The following CPXM2 variants were observed in gnomAD, a reference collection of about 807,000 sequenced individuals.
The protein encoded by CPXM2 is carboxypeptidase X, M14 family member 2.
CPXM2 carries 66 observed loss-of-function variants against 86.1 expected under a neutral mutation model. The ratio of observed to expected loss-of-function variants is 0.77; its 90% CI spans 0.63 to 0.94. The LOEUF (loss-of-function observed/expected upper bound fraction) is 0.94, where lower values mean the gene tolerates loss of function less well. CPXM2 is among the 40% of genes least tolerant of loss of function. The pLI, the probability that CPXM2 is intolerant of heterozygous loss-of-function variation, is 0.00. For missense variants in CPXM2, 948 were observed against 1,026.3 expected (o/e 0.92, Z 1.04); for synonymous variants, 388 against 400.2 (o/e 0.97, Z 0.36).
intron 3 of CPXM2, among the ~76,000 whole-genome samples, chr10:123,846,254 T>G (rs7907113): frequency 0.34 from 51,434 of 152,050 alleles, 10,131 homozygotes; most frequent in African/African-American, 0.54. Flanking sequence ...GAATCAATGG[T>G]AGCCTGAGCT....
chr10:123,755,066 T>A (rs889666464), intron 12 of CPXM2, among the ~76,000 whole-genome samples: 1 of 152,230 alleles, frequency 6.6e-6, no homozygotes, highest in Non-Finnish European at 1.5e-5. Context: ...GATACTTTTA[T>A]AAGGGGAGGG....
Position 123,876,655 on chromosome 10 carries a change from T to C in CPXM2, c.403+3556A>G, listed in dbSNP as rs141182484. Reference sequence around the variant, plus strand: ...TTTTAAATGGTTATATAAGCACTTATATAATATCCTGGATTTTGGCTCTTA... The same window carrying C: ...TTTTAAATGGTTATATAAGCACTTACATAATATCCTGGATTTTGGCTCTTA... On this transcript the variant is annotated intron_variant, in intron 2 of 13. Coordinates refer to ENST00000241305, the MANE Select transcript of CPXM2 (RefSeq NM_198148.3). 1.5e-3 allele frequency among the ~76,000 whole-genome samples: 221 copies of C among 152,338 alleles called. 1 individual carries two copies. The highest frequency in any genetic ancestry group is 3.4e-3 in the Middle Eastern group (1 of 294).
chr10:123,846,061 A>T (rs1039415199), intron 3 of CPXM2, among the ~76,000 whole-genome samples: 2 of 152,194 alleles, frequency 1.3e-5, no homozygotes, highest in African/African-American at 4.8e-5. Context: ...CACCATTTCC[A>T]TGAAGCTACT....
intron 2 of CPXM2, among the ~76,000 whole-genome samples, chr10:123,924,582 G>A (rs9423281): frequency 0.71 from 107,287 of 152,080 alleles, 38,331 homozygotes; most frequent in East Asian, 0.94. Context: ...CTGGCACAGG[G>A]ACGTGTTCAC....
intron 2 of CPXM2, among the ~76,000 whole-genome samples, chr10:123,907,184 T>G (rs953884536): frequency 1.3e-5 from 2 of 152,206 alleles, no homozygotes; most frequent in Non-Finnish European, 2.9e-5. Flanking sequence ...TACCTGCTCC[T>G]GCTGCCAACA....
chr10:123,880,309 C>G lies in CPXM2; in HGVS notation c.305G>C (p.Gly102Ala). Residue 102 changes from glycine to alanine, a missense_variant and splice_region_variant, in exon 2 of 14, where the codon GGT becomes GCT. Physicochemically the swap from Gly to Ala is moderately conservative, Grantham distance 60. Coordinates refer to ENST00000241305, the MANE Select transcript of CPXM2 (RefSeq NM_198148.3). The stretch of plus-strand genomic sequence containing the variant: ...CATAACTTTTTTGTTGCTGTGTTTA[C>G]CTAAAGGGGGAGAGAGAGATGCCTT... The part of the protein sequence containing the change: ...EKSAPEPPPP[G>A]KHSNKKVMRT... 7.1e-7 allele frequency: 1 copy of G among 1,409,418 alleles called. No individual in the cohort carries two copies. The highest frequency in any genetic ancestry group is 1.0e-6 in the Non-Finnish European group (1 of 993,270). The allele number at this position is 1,409,418 out of a possible 1,614,324, so 87.3% of individuals were successfully genotyped here. A position where few individuals can be genotyped will look rare whatever the true frequency, so the allele number is the denominator to read the frequency against.
intron 4 of CPXM2, among the ~76,000 whole-genome samples, chr10:123,823,089 A>C (rs1847963949): frequency 6.6e-6 from 1 of 152,202 alleles, no homozygotes; most frequent in Admixed American, 6.5e-5. Flanking sequence ...ACCAAGAGTG[A>C]TATCAACAAA....
intron 1 of CPXM2, among the ~76,000 whole-genome samples, chr10:123,882,254 C>T (rs966130939): frequency 6.6e-6 from 1 of 152,162 alleles, no homozygotes; most frequent in African/African-American, 2.4e-5. Context: ...AAATTAAGTG[C>T]CCCCTTTAGT....
chr10:123,900,266 T>C (rs751657433), intron 2 of CPXM2, among the ~76,000 whole-genome samples: 15 of 152,194 alleles, frequency 9.9e-5, no homozygotes, highest in Non-Finnish European at 1.6e-4. Flanking sequence ...GGTCTTAATC[T>C]TCTGGGCTCA....
chr10:123,925,013 T>G (rs1945611981), intron 2 of CPXM2, among the ~76,000 whole-genome samples: 1 of 152,144 alleles, frequency 6.6e-6, no homozygotes, highest in African/African-American at 2.4e-5. Flanking sequence ...ATATTTTTAT[T>G]GTATCACAAT....
chr10:123,843,362 A>G (rs1848427176), intron 3 of CPXM2: 3 of 434,844 alleles, frequency 6.9e-6, no homozygotes, highest in Non-Finnish European at 1.4e-5. Flanking sequence ...GCCTCCCAAA[A>G]AGGACATTTG....
rs1296657491 is a variant in CPXM2, at chr10:123,891,518, C to A, written c.142G>T (p.Ala48Ser). 5.2e-6 allele frequency: 8 copies of A among 1,548,360 alleles called. No individual in the cohort carries two copies. Among genetic ancestry groups the A allele is most frequent in the Non-Finnish European group, 7.0e-6 (8 of 1,145,594 alleles). Residue 48 changes from alanine (A) to serine (S), a missense_variant, in exon 1 of 14, where the codon GCG (alanine) becomes TCG (serine). By Grantham distance (99) the Ala-to-Ser change is moderately conservative (BLOSUM62 1). Coordinates refer to ENST00000241305, the MANE Select transcript of CPXM2 (RefSeq NM_198148.3). The surrounding 1 kb of genome is among the most constrained non-coding windows in gnomAD (Gnocchi z 5.6). The part of the protein sequence containing the change: ...QEIWSREPYY[A>S]RPEPELETFS... ...GTCTCGAGCTCGGGCTCCGGGCGCG[C>A]GTAGTAGGGCTCCCGGCTCCAGATC...
At chr10:123,809,852 A>C (rs1847655871) in intron 4 of CPXM2, among the ~76,000 whole-genome samples, 1 of 152,080 alleles carries the variant, frequency 6.6e-6, no homozygotes, top group Non-Finnish European at 1.5e-5. Context: ...AAAACCAAGC[A>C]AGGTGGGAAA....
Position 123,831,706 on chromosome 10 carries a change from G to A in CPXM2, c.653+10643C>T, listed in dbSNP as rs551587675. Among the ~76,000 whole-genome samples the A allele has an allele frequency of 1.6e-3, 246 of 152,036 alleles. 1 individual carries two copies. Among genetic ancestry groups the A allele is most frequent in the Middle Eastern group, 3.4e-3 (1 of 294 alleles). ...TCCTCCATCTTCAAAGCCAACCATA[G>A]CCAAGCCCTTCTCAAGTTGCCATAT... is the stretch of plus-strand genomic sequence containing the variant. On this transcript the variant is annotated intron_variant, in intron 4 of 13. Transcript: ENST00000241305.
intron 9 of CPXM2, among the ~76,000 whole-genome samples, chr10:123,767,938 C>T (rs764006689): frequency 4.6e-4 from 70 of 152,306 alleles, no homozygotes; most frequent in Admixed American, 1.3e-3. Flanking sequence ...TATTGGATTC[C>T]ATTATCATTG....
chr10:123,924,450 T>C (rs1174093222), intron 2 of CPXM2, among the ~76,000 whole-genome samples: 1 of 152,160 alleles, frequency 6.6e-6, no homozygotes, highest in Non-Finnish European at 1.5e-5. Context: ...TGCTGCTTTA[T>C]TATAAAGTCT....
chr10:123,914,551 C>T (rs1356534844), intron 2 of CPXM2, among the ~76,000 whole-genome samples: 3 of 152,138 alleles, frequency 2.0e-5, no homozygotes. Flanking sequence ...GAAAGGTGAA[C>T]TCCCCATTTT....
At chr10:123,918,351 T>G (rs1394912471) in intron 2 of CPXM2, among the ~76,000 whole-genome samples, 1 of 151,672 alleles carries the variant, frequency 6.6e-6, no homozygotes, top group Non-Finnish European at 1.5e-5. Context: ...TATACCTTAC[T>G]CTCTATCTCT....
chr10:123,903,771 G>C (rs141071593), intron 2 of CPXM2, among the ~76,000 whole-genome samples: 1 of 152,238 alleles, frequency 6.6e-6, no homozygotes, highest in Non-Finnish European at 1.5e-5. Context: ...AACAGATCTC[G>C]TTCTCAAAGG....
Sources: gnomAD v4.1 joint callset for allele counts (sites outside exome capture counted in the v4.1 genomes callset) on GRCh38, gnomAD v4.1.1 for gene constraint, Gnocchi (gnomAD v3.1) non-coding constraint, MANE v1.5 for transcripts, NCBI Gene and HGNC (gene_info 2026-07-23, HGNC 2026-07-21) for gene names.